The following LRBA variants were observed in gnomAD, a reference collection of about 807,000 sequenced individuals.
LRBA encodes the protein LPS responsive beige-like anchor protein, also known as lipopolysaccharide-responsive and beige-like anchor protein.
A neutral mutation model predicts 330.0 loss-of-function variants in LRBA; 176 were observed. That is an observed-to-expected ratio of 0.53 (90% CI 0.47 to 0.60). The LOEUF (loss-of-function observed/expected upper bound fraction) is 0.60. Ranked by LOEUF, LRBA falls within the 20% of genes least tolerant of loss-of-function variation. LRBA has a pLI of 0.00. For missense variants in LRBA, 3,259 were observed against 3,444.8 expected (o/e 0.95, Z 1.35); for synonymous variants, 1,230 against 1,193.0 (o/e 1.03, Z -0.64).
intron 28 of LRBA, among the ~76,000 whole-genome samples, chr4:150,838,843 C>T (rs182082455): frequency 1.3e-3 from 193 of 152,200 alleles, no homozygotes; most frequent in Middle Eastern, 6.8e-3. Context: ...CAAGGAGTGG[C>T]GTTCCTTTGG....
intron 37 of LRBA, among the ~76,000 whole-genome samples, chr4:150,632,476 T>C (rs1200206364): frequency 6.6e-6 from 1 of 152,130 alleles, no homozygotes; most frequent in East Asian, 1.9e-4. Flanking sequence ...ATGCACTATT[T>C]AATAATTAAT....
intron 41 of LRBA, among the ~76,000 whole-genome samples, chr4:150,489,403 TATATAAGAATATAAAATATATTAC>T (rs1451093411): frequency 0.061 from 1,510 of 24,836 alleles, 335 homozygotes; most frequent in Non-Finnish European, 0.12. Context: ...AAATATATTA[TATATAAGAATATAAAATATATTAC>T]ATATAAGAAT....
chr4:150,837,262 G>T (rs918822009), intron 28 of LRBA, among the ~76,000 whole-genome samples: 10 of 152,204 alleles, frequency 6.6e-5, no homozygotes, highest in Non-Finnish European at 1.2e-4. Context: ...TGAGAAGAAT[G>T]ATTATTCTGT....
intron 17 of LRBA, among the ~76,000 whole-genome samples, chr4:150,878,768 A>T (rs1380587743): frequency 1.3e-5 from 2 of 152,068 alleles, no homozygotes; most frequent in African/African-American, 4.8e-5. Context: ...AGAAACACAA[A>T]ATCAGGAAGA....
intron 2 of LRBA, among the ~76,000 whole-genome samples, chr4:150,941,352 C>T (rs1735658985): frequency 6.6e-6 from 1 of 151,926 alleles, no homozygotes; most frequent in Non-Finnish European, 1.5e-5. Context: ...AGGGTTTCAC[C>T]ATTTTGGCCA....
chr4:150,805,663 GGAAAGGAAAAGAAAC>G (rs1742685134), intron 33 of LRBA, among the ~76,000 whole-genome samples: 1 of 150,234 alleles, frequency 6.7e-6, no homozygotes, highest in Admixed American at 6.7e-5. Context: ...GAAGGGAGAA[GGAAAGGAAAAGAAAC>G]GAAAGGAAAG....
intron 36 of LRBA, among the ~76,000 whole-genome samples, chr4:150,729,732 T>G (rs1410590995): frequency 6.6e-6 from 1 of 152,166 alleles, no homozygotes; most frequent in Non-Finnish European, 1.5e-5. Flanking sequence ...TCAGATTATC[T>G]GACTTCAAAT....
chr4:150,505,324 T>C (rs1021344270), intron 40 of LRBA, among the ~76,000 whole-genome samples: 19 of 152,266 alleles, frequency 1.2e-4, no homozygotes, highest in African/African-American at 4.3e-4. Flanking sequence ...GACCACATAG[T>C]TGGAAGTAAA....
At chr4:150,453,964 T>A (rs1030128335) in intron 44 of LRBA, among the ~76,000 whole-genome samples, 1 of 150,408 alleles carries the variant, frequency 6.6e-6, no homozygotes, top group African/African-American at 2.4e-5. Context: ...GATTTAAAAG[T>A]TTTTTTTTTC....
At chr4:150,930,216 G>A (rs906446581) in intron 2 of LRBA, among the ~76,000 whole-genome samples, 1 of 152,038 alleles carries the variant, frequency 6.6e-6, no homozygotes, top group Non-Finnish European at 1.5e-5. Flanking sequence ...TCAGGAGGTT[G>A]AGGTAGGAGA....
chr4:150,819,909 T>A (rs1745176615), intron 30 of LRBA, among the ~76,000 whole-genome samples: 1 of 152,092 alleles, frequency 6.6e-6, no homozygotes, highest in Admixed American at 6.6e-5. Context: ...AGTACGGCTT[T>A]CTACATGAAT....
chr4:150,714,190 C>T (rs1786511720), intron 36 of LRBA, among the ~76,000 whole-genome samples: 1 of 152,102 alleles, frequency 6.6e-6, no homozygotes, highest in African/African-American at 2.4e-5. Context: ...TTACTGAATT[C>T]CCTTTATGTG....
intron 53 of LRBA, among the ~76,000 whole-genome samples, chr4:150,290,024 C>T (rs1218899790): frequency 6.6e-6 from 1 of 152,150 alleles, no homozygotes; most frequent in Non-Finnish European, 1.5e-5. Context: ...TCCTGGATCA[C>T]AGCAGAGCCA....
intron 37 of LRBA, 71 bp from the exon 38 acceptor site, chr4:150,599,202 AAAG>A (rs1299046396): frequency 6.5e-7 from 1 of 1,544,852 alleles, no homozygotes; most frequent in African/African-American, 1.4e-5. Context: ...ATTTCTGCAT[AAAG>A]CTCTCCTTGT....
intron 11 of LRBA, among the ~76,000 whole-genome samples, chr4:150,907,341 AGGAAGG>A (rs1294888585): frequency 4.4e-5 from 2 of 45,866 alleles, no homozygotes; most frequent in African/African-American, 1.9e-4. Flanking sequence ...CAGAGAGGGG[AGGAAGG>A]GGAAGGGGGA....
intron 40 of LRBA, among the ~76,000 whole-genome samples, chr4:150,519,352 T>C (rs1156416563): frequency 6.6e-6 from 1 of 152,170 alleles, no homozygotes; most frequent in African/African-American, 2.4e-5. Flanking sequence ...CCAGAAAGGT[T>C]GCTCACATCT....
At position 150,321,955 on chromosome 4, in the gene LRBA, G is replaced by A. The variant is rs543995958; in HGVS notation, c.7453-587C>T. On this transcript the variant is annotated intron_variant, in intron 49 of 56. Transcript: ENST00000651943. This position sits in a 1 kb window ranked among gnomAD's most constrained non-coding sequence, Gnocchi z 4.5. ...TACAGTAGAGAAATAACTTATGAAC[G>A]TAATATACAAACTTAATTATAAAGG... Among the ~76,000 whole-genome samples the A allele has an allele frequency of 5.9e-5, 9 of 152,230 alleles. No individual in the cohort carries two copies. Among genetic ancestry groups the A allele is most frequent in the Admixed American group, 2.0e-4 (3 of 15,284 alleles).
chr4:150,292,606 T>A (rs1580920372), intron 53 of LRBA, among the ~76,000 whole-genome samples: 1 of 152,216 alleles, frequency 6.6e-6, no homozygotes, highest in East Asian at 1.9e-4. Flanking sequence ...ATATCCCACT[T>A]GTTCACCCAT....
chr4:150,464,517 A>G (rs993769957), intron 44 of LRBA, among the ~76,000 whole-genome samples: 1 of 152,108 alleles, frequency 6.6e-6, no homozygotes, highest in African/African-American at 2.4e-5. Flanking sequence ...GGGTCTTAGA[A>G]CAAATATGAT....
Sources: gnomAD v4.1 joint callset for allele counts (sites outside exome capture counted in the v4.1 genomes callset) on GRCh38, gnomAD v4.1.1 for gene constraint, Gnocchi (gnomAD v3.1) non-coding constraint, MANE v1.5 for transcripts, NCBI Gene and HGNC (gene_info 2026-07-23, HGNC 2026-07-21) for gene names.